Variants in EXOC6 observed in about 807,000 individuals in gnomAD.
The protein encoded by EXOC6 is exocyst complex component 6.
Under a neutral mutation model 112.5 loss-of-function variants are expected in EXOC6, and 60 were observed. The observed-to-expected ratio is 0.53, with a 90% CI of 0.43 to 0.66. The LOEUF (loss-of-function observed/expected upper bound fraction) is 0.66. Among genes scored for constraint, EXOC6 ranks in the 30% least tolerant of loss-of-function variants. EXOC6 has a pLI of 0.00. For synonymous variants in EXOC6, 295 were observed against 308.0 expected, an observed-to-expected ratio of 0.96 and a Z score of 0.44; for missense variants, 855 against 957.1, an observed-to-expected ratio of 0.89 and a Z score of 1.41.
intron 20 of EXOC6, among the ~76,000 whole-genome samples, chr10:93,032,618 G>A (rs1845322798): frequency 6.6e-6 from 1 of 152,114 alleles, no homozygotes; most frequent in African/African-American, 2.4e-5. Context: ...TCATTTACTC[G>A]ACAAATGTTT....
At chr10:92,847,939 G>T (rs1275629216), upstream of EXOC6, among the ~76,000 whole-genome samples, 2 of 148,376 alleles carry the variant, frequency 1.3e-5, no homozygotes, top group East Asian at 4.0e-4. Flanking sequence ...TTGACTGGCC[G>T]CTGTGGACTT....
At chr10:92,989,760 G>A (rs184140238) in intron 18 of EXOC6, among the ~76,000 whole-genome samples, 39 of 152,178 alleles carry the variant, frequency 2.6e-4, no homozygotes, top group Admixed American at 6.5e-4. Context: ...AAAACTGACC[G>A]GCCATCCAAA....
At chr10:92,975,135 G>C (rs571989979) in intron 18 of EXOC6, among the ~76,000 whole-genome samples, 2 of 151,510 alleles carry the variant, frequency 1.3e-5, no homozygotes, top group Non-Finnish European at 1.5e-5. Context: ...GCCTCTTCCC[G>C]GCCGCCATCC....
chr10:92,891,228 A>T (rs1849482941), intron 1 of EXOC6, among the ~76,000 whole-genome samples: 1 of 152,204 alleles, frequency 6.6e-6, no homozygotes, highest in African/African-American at 2.4e-5. Flanking sequence ...GGTGCTTATC[A>T]GACATCTAAT....
chr10:92,947,355 T>C (rs956580066), intron 13 of EXOC6, among the ~76,000 whole-genome samples: 5 of 152,226 alleles, frequency 3.3e-5, no homozygotes, highest in African/African-American at 9.7e-5. Context: ...AAGCAACACA[T>C]GTCACTTCCA....
intron 12 of EXOC6, among the ~76,000 whole-genome samples, chr10:92,936,841 A>G (rs904756814): frequency 6.6e-6 from 1 of 152,108 alleles, no homozygotes; most frequent in Non-Finnish European, 1.5e-5. Flanking sequence ...TAGGAAAAAT[A>G]TCACAGCGGG....
chr10:92,984,724 T>C (rs1842939970), intron 18 of EXOC6, among the ~76,000 whole-genome samples: 1 of 152,180 alleles, frequency 6.6e-6, no homozygotes, highest in Non-Finnish European at 1.5e-5. Flanking sequence ...ATTAGCTTTT[T>C]CTGTGTACTT....
chr10:92,974,688 G>A (rs922720130), intron 18 of EXOC6, among the ~76,000 whole-genome samples: 9 of 152,134 alleles, frequency 5.9e-5, no homozygotes, highest in Non-Finnish European at 1.3e-4. Context: ...GCCTCAGCCT[G>A]CCGAGTGCCT....
At chr10:92,892,033 G>T (rs1849527442) in intron 1 of EXOC6, among the ~76,000 whole-genome samples, 1 of 152,194 alleles carries the variant, frequency 6.6e-6, no homozygotes, top group Non-Finnish European at 1.5e-5. Context: ...GCATGGGAAT[G>T]ATTGGCAAAG....
At chr10:92,841,087 T>C (rs929929893) in intron 1 of EXOC6, among the ~76,000 whole-genome samples, 1 of 152,172 alleles carries the variant, frequency 6.6e-6, no homozygotes, top group Non-Finnish European at 1.5e-5. Flanking sequence ...CTTTGAGCAA[T>C]TTTGAAATAC....
chr10:92,906,557 C>T (rs1850452594), intron 5 of EXOC6, among the ~76,000 whole-genome samples: 4 of 152,272 alleles, frequency 2.6e-5, no homozygotes, highest in South Asian at 4.1e-4. Context: ...TAAAAACAGA[C>T]ACCTTGTCAG....
At chr10:92,848,395 C>G, upstream of EXOC6, 2 of 556,418 alleles carry the variant, frequency 3.6e-6, no homozygotes, top group Non-Finnish European at 4.6e-6. Context: ...GCGCCTTCTG[C>G]CCGGCGTTCC....
At chr10:92,895,856 G>A (rs1046656033) in intron 4 of EXOC6, among the ~76,000 whole-genome samples, 6 of 128,578 alleles carry the variant, frequency 4.7e-5, no homozygotes, top group African/African-American at 1.7e-4. Context: ...CACCACACCC[G>A]GCCTTTTTTT....
At chr10:92,988,800 T>TACACACACACACACACACACAC (rs67242778) in intron 18 of EXOC6, among the ~76,000 whole-genome samples, 208 of 143,086 alleles carry the variant, frequency 1.5e-3, no homozygotes, top group African/African-American at 4.7e-3. Context: ...CTACAAAAAA[T>TACACACACACACACACACACAC]ACACACACAC....
chr10:92,853,080 A>G (rs1847428494), intron 1 of EXOC6, among the ~76,000 whole-genome samples: 1 of 152,200 alleles, frequency 6.6e-6, no homozygotes, highest in African/African-American at 2.4e-5. Context: ...TGGATATGCA[A>G]AAGCCAATTG....
chr10:92,941,386 G>T (rs1184135699), intron 13 of EXOC6, among the ~76,000 whole-genome samples: 1 of 152,150 alleles, frequency 6.6e-6, no homozygotes, highest in Non-Finnish European at 1.5e-5. Flanking sequence ...TGCTGTGAAC[G>T]TGAGTACAGT....
upstream of EXOC6, among the ~76,000 whole-genome samples, chr10:92,846,276 G>A (rs1475665430): frequency 6.6e-6 from 1 of 152,240 alleles, no homozygotes; most frequent in Admixed American, 6.5e-5. Flanking sequence ...TGAAGAAAAG[G>A]GGTAGAGTTC....
At chr10:93,018,050 T>A (rs1263379089) in intron 20 of EXOC6, among the ~76,000 whole-genome samples, 3 of 151,442 alleles carry the variant, frequency 2.0e-5, no homozygotes, top group East Asian at 1.9e-4. Context: ...ATAAAAATTT[T>A]AAAAAAGAAA....
At chr10:93,009,809 G>A (rs1268173660) in intron 19 of EXOC6, among the ~76,000 whole-genome samples, 1 of 152,068 alleles carries the variant, frequency 6.6e-6, no homozygotes, top group African/African-American at 2.4e-5. Context: ...GATGAGATGA[G>A]GCTGGCAGAT....
Sources: allele counts gnomAD v4.1 joint callset (sites outside exome capture counted in the v4.1 genomes callset), GRCh38; gene constraint gnomAD v4.1.1; transcripts MANE v1.5; gene names NCBI Gene and HGNC (gene_info 2026-07-23, HGNC 2026-07-21).